The following FOXP2 variants were observed in gnomAD, a reference collection of about 807,000 sequenced individuals.
FOXP2 encodes the protein forkhead box P2.
Under a neutral mutation model 115.8 loss-of-function variants are expected in FOXP2, and 12 were observed. That is an observed-to-expected ratio of 0.10 (90% CI 0.07 to 0.17). The LOEUF (loss-of-function observed/expected upper bound fraction) is 0.17, where lower values mean the gene tolerates loss of function less well. Ranked by LOEUF, FOXP2 falls within the 10% of genes least tolerant of loss-of-function variation. FOXP2 has a pLI of 1.00. For synonymous variants in FOXP2, 328 were observed against 297.7 expected, an observed-to-expected ratio of 1.10 and a Z score of -1.05; for missense variants, 629 against 843.5, an observed-to-expected ratio of 0.75 and a Z score of 3.15.
intron 2 of FOXP2, among the ~76,000 whole-genome samples, chr7:114,389,746 G>A (rs530008021): frequency 8.5e-5 from 13 of 152,194 alleles, no homozygotes; most frequent in South Asian, 2.1e-4. Flanking sequence ...AAGTTTGGCC[G>A]GGCGCAGTGG....
intron 16 of FOXP2, among the ~76,000 whole-genome samples, chr7:114,675,351 A>G (rs1033712863): frequency 6.6e-6 from 1 of 152,062 alleles, no homozygotes; most frequent in Non-Finnish European, 1.5e-5. Context: ...GTTCTGTTTG[A>G]CAAGATTATA....
At chr7:114,205,067 C>T (rs1277444111) in intron 1 of FOXP2, among the ~76,000 whole-genome samples, 1 of 151,978 alleles carries the variant, frequency 6.6e-6, no homozygotes, top group Non-Finnish European at 1.5e-5. Context: ...GATCAAAATA[C>T]AGCAAAGAGA....
intron 2 of FOXP2, among the ~76,000 whole-genome samples, chr7:114,407,017 A>G (rs1793052764): frequency 6.6e-6 from 1 of 152,052 alleles, no homozygotes; most frequent in African/African-American, 2.4e-5. Flanking sequence ...ACCAGACAGG[A>G]GGAAAATGAG....
upstream of FOXP2, chr7:114,414,804 G>T (rs1247992260): frequency 6.5e-6 from 2 of 309,650 alleles, no homozygotes; most frequent in East Asian, 1.6e-4. Context: ...GAAGCAAGAA[G>T]TGTATTTATC....
chr7:114,386,643 C>G (rs1335706320), intron 2 of FOXP2, among the ~76,000 whole-genome samples: 1 of 152,106 alleles, frequency 6.6e-6, no homozygotes, highest in African/African-American at 2.4e-5. Flanking sequence ...GATTTACAGT[C>G]AATGCACAGG....
rs1164029715 is a variant in FOXP2, at chr7:114,426,621, G to A, written c.110G>A (p.Ser37Asn). The A allele has an allele frequency of 6.2e-7, 1 of 1,611,678 alleles. No individual in the cohort carries two copies. The highest frequency in any genetic ancestry group is 1.1e-5 in the South Asian group (1 of 91,042). ...GCTGGCAGCAGAGATGGAAGATCAA[G>A]TGGTGACACCAGCTCTGAAGTAAGC... Reference protein sequence around the residue: ...LDAGSRDGRSSGDTSSEVSTV... With the variant: ...LDAGSRDGRSNGDTSSEVSTV... Residue 37 changes from serine (S) to asparagine (N), a missense_variant, in exon 2 of 17, where the codon AGT becomes AAT. By Grantham distance (46) the Ser-to-Asn change is conservative (BLOSUM62 1). This residue lies in a region of FOXP2 where 91 missense variants were observed against 98.3 expected (regional missense o/e 0.93). Coordinates refer to ENST00000350908, the MANE Select transcript of FOXP2 (RefSeq NM_014491.4).
intron 16 of FOXP2, among the ~76,000 whole-genome samples, chr7:114,671,214 A>G (rs1396994328): frequency 5.3e-5 from 8 of 151,898 alleles, no homozygotes; most frequent in African/African-American, 1.9e-4. Context: ...TTTAAGTGCT[A>G]CAAGTGTGGA....
At chr7:114,384,928 T>C (rs554688626) in intron 2 of FOXP2, among the ~76,000 whole-genome samples, 1 of 152,194 alleles carries the variant, frequency 6.6e-6, no homozygotes, top group Admixed American at 6.5e-5. Context: ...GTGACAATTA[T>C]CAATTATAGG....
At chr7:114,159,328 T>C (rs1204019650), upstream of FOXP2, among the ~76,000 whole-genome samples, 1 of 152,136 alleles carries the variant, frequency 6.6e-6, no homozygotes, top group East Asian at 1.9e-4. Flanking sequence ...ATTTTTCAGC[T>C]AGGTTATTCC....
At chr7:114,267,868 G>C (rs1270950472) in intron 1 of FOXP2, among the ~76,000 whole-genome samples, 1 of 151,626 alleles carries the variant, frequency 6.6e-6, no homozygotes, top group Non-Finnish European at 1.5e-5. Context: ...CATTCAGACT[G>C]TCATGCAACT....
chr7:114,292,983 C>A (rs1221772922), intron 2 of FOXP2, among the ~76,000 whole-genome samples: 2 of 152,108 alleles, frequency 1.3e-5, no homozygotes, highest in Non-Finnish European at 2.9e-5. Flanking sequence ...TCGAATAACC[C>A]TTAAGTTACT....
At chr7:114,627,688 C>T (rs1437326244) in intron 3 of FOXP2, among the ~76,000 whole-genome samples, 1 of 151,972 alleles carries the variant, frequency 6.6e-6, no homozygotes, top group Admixed American at 6.6e-5. Context: ...CTTTTTGCCT[C>T]TCATCCTCAG....
rs745360648 is a variant in FOXP2 at position 114,691,929 on chromosome 7, CAAAAAAAAAAAAAG to C, written c.*2023_*2036del. On this transcript the variant is annotated 3_prime_UTR_variant, in exon 17 of 17. Coordinates refer to ENST00000350908, the MANE Select transcript of FOXP2 (RefSeq NM_014491.4). ...GGCTTTCTGAAAGCTTCTACCTCTG[CAAAAAAAAAAAAAG>C]AAAAAAAAAAAAAGAAAAACATTAG... The C allele has an allele frequency of 5.6e-4, 143 of 253,330 alleles. No individual in the cohort carries two copies. Among genetic ancestry groups the C allele is most frequent in the Middle Eastern group, 1.4e-3 (1 of 732 alleles). The allele number at this position is 253,330 out of a possible 1,614,324, so 15.7% of individuals were successfully genotyped here.
intron 1 of FOXP2, among the ~76,000 whole-genome samples, chr7:114,174,000 C>G (rs1793220621): frequency 6.6e-6 from 1 of 151,776 alleles, no homozygotes; most frequent in African/African-American, 2.4e-5. Context: ...AAAAAAAATA[C>G]TAATAATAAT....
At chr7:114,289,531 G>A (rs773632352) in intron 2 of FOXP2, among the ~76,000 whole-genome samples, 1 of 151,694 alleles carries the variant, frequency 6.6e-6, no homozygotes, top group Admixed American at 6.6e-5. Context: ...TATTACTTTT[G>A]AGTAACAGGA....
At chr7:114,140,240 C>T (rs1004817410) in intron 1 of FOXP2, among the ~76,000 whole-genome samples, 1 of 152,078 alleles carries the variant, frequency 6.6e-6, no homozygotes, top group African/African-American at 2.4e-5. Flanking sequence ...TTTTCCAGAG[C>T]CCAACTGACA....
rs535493433 is a variant in FOXP2 at position 114,368,113 on chromosome 7, T to G, written c.-10-58389T>G. ...CTAATTATTTTCTTTAATTTTTAAT[T>G]ATTATTTTTAGTTGCAATGGTACCC... On this transcript the variant is annotated intron_variant, in intron 2 of 17. Transcript: ENST00000634411. 7.9e-5 allele frequency among the ~76,000 whole-genome samples: 12 copies of G among 152,308 alleles called. 1 individual carries two copies. In the South Asian group the frequency reaches 2.3e-3, roughly 29 times the overall value.
At chr7:114,142,535 A>G (rs1191579483) in intron 1 of FOXP2, among the ~76,000 whole-genome samples, 2 of 152,200 alleles carry the variant, frequency 1.3e-5, no homozygotes, top group South Asian at 4.1e-4. Context: ...CAGAAGGTCC[A>G]TTTTAAGTAG....
intron 2 of FOXP2, among the ~76,000 whole-genome samples, chr7:114,431,175 G>A (rs1440567186): frequency 6.6e-6 from 1 of 151,840 alleles, no homozygotes; most frequent in Non-Finnish European, 1.5e-5. Context: ...TAATGAGGTC[G>A]AATGGTTGTT....
Sources: gnomAD v4.1 joint callset for allele counts (sites outside exome capture counted in the v4.1 genomes callset) on GRCh38, gnomAD v4.1.1 for gene constraint, gnomAD v4.1.1 regional missense constraint, MANE v1.5 for transcripts, NCBI Gene and HGNC (gene_info 2026-07-23, HGNC 2026-07-21) for gene names.